The following RPS19 variants were observed in gnomAD, a reference collection of about 807,000 sequenced individuals.
The protein encoded by RPS19 is ribosomal protein S19.
Under a neutral mutation model 20.3 loss-of-function variants are expected in RPS19, and 1 was observed. The ratio of observed to expected loss-of-function variants is 0.05; its 90% CI spans 0.02 to 0.23. The LOEUF (loss-of-function observed/expected upper bound fraction) is 0.23, where lower values mean the gene tolerates loss of function less well. Ranked by LOEUF, RPS19 falls within the 10% of genes least tolerant of loss-of-function variation. The probability of loss-of-function intolerance (pLI) is 1.00; values close to 1 mark genes in which losing one functional copy is unlikely to be tolerated. For synonymous variants in RPS19, 87 were observed against 74.8 expected (o/e 1.16, Z -0.84); for missense variants, 111 against 192.7 (o/e 0.58, Z 2.51).
At chr19:41,868,222 A>C (rs1401775787) in intron 3 of RPS19, among the ~76,000 whole-genome samples, 4 of 152,176 alleles carry the variant, frequency 2.6e-5, no homozygotes, top group East Asian at 1.9e-4. Flanking sequence ...TGCTTCCTGC[A>C]TGTGGGCCCC....
intron 3 of RPS19, among the ~76,000 whole-genome samples, chr19:41,868,054 A>G (rs115526849): frequency 1.7e-3 from 252 of 152,218 alleles, no homozygotes; most frequent in African/African-American, 5.8e-3. Context: ...GCAGTTATGG[A>G]AGAACCCCCA....
At chr19:41,871,262 C>A in intron 5 of RPS19, 89 bp from the exon 6 acceptor site, 1 of 1,134,920 alleles carries the variant, frequency 8.8e-7, no homozygotes, top group South Asian at 1.2e-5. Flanking sequence ...TCGGGGTGCC[C>A]ACCTGTGGTG....
Position 41,871,607 on chromosome 19 carries a change from C to T in RPS19, c.*230C>T, listed in dbSNP as rs1466224435. On this transcript the variant is annotated 3_prime_UTR_variant, in exon 6 of 6. Coordinates refer to ENST00000598742, the MANE Select transcript of RPS19 (RefSeq NM_001022.4). ...TGGTTTGGGTCTCTTGATTGTTCTTCAGGGGCATGAGGAAGAGGCGCTTCC... is the reference window on the plus strand; with the variant it reads ...TGGTTTGGGTCTCTTGATTGTTCTTTAGGGGCATGAGGAAGAGGCGCTTCC... 1.9e-6 allele frequency: 1 copy of T among 527,870 alleles called. No homozygotes were observed. Among genetic ancestry groups the T allele is most frequent in the Admixed American group, 3.1e-5 (1 of 31,798 alleles). The allele number at this position is 527,870 out of a possible 1,614,324, so 32.7% of individuals were successfully genotyped here.
chr19:41,866,259 AAAAT>A (rs1469053941), intron 3 of RPS19, among the ~76,000 whole-genome samples: 1 of 152,174 alleles, frequency 6.6e-6, no homozygotes, highest in African/African-American at 2.4e-5. Context: ...TCTCAAAAAA[AAAAT>A]AAAGCAGGAT....
intron 3 of RPS19, 88 bp from the exon 4 acceptor site, chr19:41,868,943 C>A: frequency 7.5e-7 from 1 of 1,342,176 alleles, no homozygotes; most frequent in South Asian, 1.2e-5. Context: ...TCTTATAAAA[C>A]AGTGAGAATT....
At chr19:41,870,901 C>T (rs1187425940) in intron 5 of RPS19, among the ~76,000 whole-genome samples, 1 of 131,886 alleles carries the variant, frequency 7.6e-6, no homozygotes, top group African/African-American at 3.0e-5. Flanking sequence ...CTTGCTCTGT[C>T]GCCCAGGCTG....
At chr19:41,863,834 C>T (rs873282) in intron 3 of RPS19, 67,290 of 146,906 alleles carry the variant, frequency 0.46, 16,289 homozygotes, top group Middle Eastern at 0.7. Context: ...AGTGTAGCCC[C>T]GGACAGGCTT....
At position 41,861,057 on chromosome 19, in the gene RPS19, T is replaced by G. The variant is rs574524226; in HGVS notation, c.72-55T>G. On this transcript the variant is annotated intron_variant, in intron 2 of 5. Transcript: ENST00000598742. ...TGTTGAGGGGAGGGCATTTGGGATA[T>G]GGGGTAGTTTGTGGAGATGACTGAA... The G allele has an allele frequency of 1.0e-4, 137 of 1,355,302 alleles. No homozygotes were observed. The African/African-American group carries it at 1.8e-3, about 18-fold the overall frequency. 84.0% of individuals were successfully genotyped at this position (1,355,302 alleles called of 1,614,324 possible).
chr19:41,861,047 A>T, intron 2 of RPS19, 65 bp from the exon 3 acceptor site: 1 of 1,291,558 alleles, frequency 7.7e-7, no homozygotes, highest in Admixed American at 1.7e-5. Flanking sequence ...AGGGGAGGGC[A>T]TTTGGGATAT....
chr19:41,861,874 C>G (rs959961017), intron 3 of RPS19, among the ~76,000 whole-genome samples: 3 of 152,310 alleles, frequency 2.0e-5, no homozygotes, highest in African/African-American at 7.2e-5. Flanking sequence ...CGTCTCTTTT[C>G]AATCTTCCAA....
intron 5 of RPS19, among the ~76,000 whole-genome samples, chr19:41,870,738 A>G (rs2074137812): frequency 6.6e-6 from 1 of 151,116 alleles, no homozygotes; most frequent in African/African-American, 2.4e-5. Flanking sequence ...GGAAGGAGAA[A>G]GCTCTTCCAG....
In RPS19 at chr19:41,872,907, A is replaced by T. The variant is rs1190109981; in HGVS notation, c.*1530A>T. 1 of 143,448 alleles carries T rather than the reference A, an allele frequency of 7.0e-6. No homozygotes were observed. The highest frequency in any genetic ancestry group is 1.5e-5 in the Non-Finnish European group (1 of 67,934). 8.9% of individuals were successfully genotyped at this position (143,448 alleles called of 1,614,324 possible). On this transcript the variant is annotated 3_prime_UTR_variant, in exon 6 of 6. Coordinates refer to ENST00000598742, the MANE Select transcript of RPS19 (RefSeq NM_001022.4). ...GAGACTCCATTTCAAAAAAAGAATC[A>T]ATAAAAATGTTAAAAGCACCGTTGT...
In RPS19 at chr19:41,860,843, A is replaced by G; in HGVS notation, c.69A>G (p.Lys23=). Reference sequence around the variant, plus strand: ...TCAGAGCTCTGGCAGCCTTCCTCAAAAAGTGAGTTTGGGGACTGAGGTTCA... The same window carrying G: ...TCAGAGCTCTGGCAGCCTTCCTCAAGAAGTGAGTTTGGGGACTGAGGTTCA... ...EFVRALAAFL[K]KSGKLKVPEW... Residue 23 remains lysine, a splice_region_variant and synonymous_variant, in exon 2 of 6, where the codon AAA becomes AAG. Coordinates refer to ENST00000598742, the MANE Select transcript of RPS19 (RefSeq NM_001022.4). 6.2e-7 allele frequency: 1 copy of G among 1,613,330 alleles called. No individual in the cohort carries two copies. Among genetic ancestry groups the G allele is most frequent in the Non-Finnish European group, 8.5e-7 (1 of 1,179,582 alleles).
intron 5 of RPS19, among the ~76,000 whole-genome samples, chr19:41,870,845 CTTCCT>C (rs1434986748): frequency 2.0e-4 from 23 of 112,902 alleles, no homozygotes; most frequent in African/African-American, 6.8e-4. Context: ...CCGCCACTCC[CTTCCT>C]TTTTTTTTTT....
intron 3 of RPS19, 143 bp downstream of exon 3, chr19:41,861,355 G>A (rs2074029942): frequency 2.9e-6 from 2 of 688,560 alleles, no homozygotes; most frequent in Non-Finnish European, 5.3e-6. Context: ...TTTGTGTGAT[G>A]TGACATTCGA....
At chr19:41,867,452 C>T (rs12984383) in intron 3 of RPS19, among the ~76,000 whole-genome samples, 2 of 151,808 alleles carry the variant, frequency 1.3e-5, no homozygotes, top group Non-Finnish European at 2.9e-5. Context: ...GGGGTTACAG[C>T]GGGTGTGCCA....
intron 3 of RPS19, among the ~76,000 whole-genome samples, chr19:41,865,980 G>A (rs1259105278): frequency 2.1e-5 from 3 of 145,786 alleles, no homozygotes; most frequent in Admixed American, 7.0e-5. Context: ...AAGGCCGGGC[G>A]CGGTGGCTCA....
chr19:41,861,025 A>T, intron 2 of RPS19, 87 bp from the exon 3 acceptor site: 1 of 1,148,392 alleles, frequency 8.7e-7, no homozygotes, highest in Non-Finnish European at 1.3e-6. Flanking sequence ...TGGGCACAGC[A>T]TAGTTGTGTT....
chr19:41,870,840 A>G (rs559970484), intron 5 of RPS19, among the ~76,000 whole-genome samples: 1 of 105,028 alleles, frequency 9.5e-6, no homozygotes, highest in African/African-American at 3.9e-5. Context: ...CCACTCCGCC[A>G]CTCCCTTCCT....
Sources: allele counts gnomAD v4.1 joint callset (sites outside exome capture counted in the v4.1 genomes callset), GRCh38; gene constraint gnomAD v4.1.1; transcripts MANE v1.5; gene names NCBI Gene and HGNC (gene_info 2026-07-23, HGNC 2026-07-21).